Variants in FRMD6 observed in about 807,000 individuals in gnomAD.
FRMD6 encodes the protein FERM domain containing 6.
In FRMD6, 37 loss-of-function variants were observed where a neutral mutation model predicts 73.2. The ratio of observed to expected loss-of-function variants is 0.51; its 90% CI spans 0.39 to 0.66. FRMD6 has a LOEUF of 0.66. Among genes scored for constraint, FRMD6 ranks in the 30% least tolerant of loss-of-function variants. The pLI, the probability that FRMD6 is intolerant of heterozygous loss-of-function variation, is 0.00. For synonymous variants in FRMD6, 273 were observed against 282.2 expected (o/e 0.97, Z 0.33); for missense variants, 714 against 780.5 (o/e 0.91, Z 1.02).
chr14:51,602,225 C>A (rs1206093300), intron 2 of FRMD6, among the ~76,000 whole-genome samples: 2 of 152,048 alleles, frequency 1.3e-5, no homozygotes, highest in African/African-American at 4.8e-5. Context: ...GAGAGGGTGG[C>A]CAGCTTACTA....
At chr14:51,703,496 A>G (rs1241329245) in intron 5 of FRMD6, among the ~76,000 whole-genome samples, 1 of 152,030 alleles carries the variant, frequency 6.6e-6, no homozygotes. Context: ...AGGCTAAGAC[A>G]CTTTATTAGT....
At chr14:51,442,437 G>A in the FRMD6 span, among the ~76,000 whole-genome samples, 1 of 152,016 alleles carries the variant, frequency 6.6e-6, no homozygotes, top group Non-Finnish European at 1.5e-5. Context: ...TAATTGCCCA[G>A]TGATAGTGCT....
chr14:51,685,611 G>C (rs1431892271), intron 1 of FRMD6, among the ~76,000 whole-genome samples: 1 of 152,160 alleles, frequency 6.6e-6, no homozygotes, highest in African/African-American at 2.4e-5. Flanking sequence ...GTTTATTCCA[G>C]AATGATCTTA....
At chr14:51,546,430 A>C (rs1469828284) in intron 1 of FRMD6, among the ~76,000 whole-genome samples, 1 of 150,612 alleles carries the variant, frequency 6.6e-6, no homozygotes. Context: ...GTTCCTGTAA[A>C]ATTCCTGAAG....
At chr14:51,626,580 T>TA (rs1891125483) in intron 2 of FRMD6, among the ~76,000 whole-genome samples, 1 of 152,224 alleles carries the variant, frequency 6.6e-6, no homozygotes, top group African/African-American at 2.4e-5. Context: ...GTGCCTTCTA[T>TA]ATAGCAGGCT....
At chr14:51,419,615 T>G in the FRMD6 span, among the ~76,000 whole-genome samples, 1 of 152,208 alleles carries the variant, frequency 6.6e-6, no homozygotes, top group African/African-American at 2.4e-5. Flanking sequence ...AGCTTGACTT[T>G]TCCACTTGGC....
At chr14:51,606,303 A>C (rs1338711962) in intron 2 of FRMD6, among the ~76,000 whole-genome samples, 20 of 152,232 alleles carry the variant, frequency 1.3e-4, no homozygotes, top group Admixed American at 1.2e-3. Flanking sequence ...CCATACGTAC[A>C]ACAAGCACAC....
intron 9 of FRMD6, among the ~76,000 whole-genome samples, chr14:51,713,458 C>CAAA (rs5808631): frequency 2.7e-5 from 3 of 111,858 alleles, no homozygotes; most frequent in Admixed American, 9.2e-5. Context: ...AACTCCATCT[C>CAAA]AAAAAAAAAA....
intron 1 of FRMD6, among the ~76,000 whole-genome samples, chr14:51,551,302 C>A (rs1386893970): frequency 1.3e-5 from 2 of 152,098 alleles, no homozygotes; most frequent in Non-Finnish European, 2.9e-5. Flanking sequence ...TAAATTATTT[C>A]TTTAAAAATA....
chr14:51,412,009 G>A, the FRMD6 span, among the ~76,000 whole-genome samples: 14 of 152,138 alleles, frequency 9.2e-5, no homozygotes, highest in Non-Finnish European at 1.6e-4. Flanking sequence ...AATCTATCAG[G>A]ATCTAAAAAG....
intron 1 of FRMD6, among the ~76,000 whole-genome samples, chr14:51,504,114 C>T (rs1883795959): frequency 6.6e-6 from 1 of 152,082 alleles, no homozygotes; most frequent in Admixed American, 6.6e-5. Flanking sequence ...TTTTATTCTT[C>T]TTTATTAGTC....
chr14:51,494,180 C>T (rs1048997089), intron 1 of FRMD6, among the ~76,000 whole-genome samples: 5 of 152,140 alleles, frequency 3.3e-5, no homozygotes, highest in East Asian at 1.9e-4. Context: ...ATCCCAATAG[C>T]GCCAAGAGTC....
At chr14:51,467,968 G>A in the FRMD6 span, among the ~76,000 whole-genome samples, 11 of 152,044 alleles carry the variant, frequency 7.2e-5, no homozygotes, top group Non-Finnish European at 1.5e-4. Context: ...GTAGCGAGCC[G>A]AGATCACGCC....
intron 2 of FRMD6, among the ~76,000 whole-genome samples, chr14:51,591,479 T>C (rs974894824): frequency 6.6e-6 from 1 of 152,064 alleles, no homozygotes; most frequent in Non-Finnish European, 1.5e-5. Flanking sequence ...TTCTGATAAG[T>C]TTTTTACAAA....
Position 51,583,830 on chromosome 14 carries a change from T to C in FRMD6, c.-147+13420T>C, listed in dbSNP as rs565069778. On this transcript the variant is annotated intron_variant, in intron 2 of 14. Transcript: ENST00000356218. ...CTGGTGCAGAACCTTAATGATGGCC[T>C]AAGGTTTGAGCTGTGAAGAGGATGG... 3.3e-5 allele frequency among the ~76,000 whole-genome samples: 5 copies of C among 152,250 alleles called. No individual in the cohort carries two copies. The South Asian group carries it at 1.0e-3, about 32-fold the overall frequency.
At chr14:51,441,726 C>T in the FRMD6 span, among the ~76,000 whole-genome samples, 820 of 152,172 alleles carry the variant, frequency 5.4e-3, 5 homozygotes, top group African/African-American at 0.018. Flanking sequence ...CCTAAATTGA[C>T]GTTGGGATGA....
At chr14:51,537,330 A>T (rs551514167) in intron 1 of FRMD6, among the ~76,000 whole-genome samples, 6 of 152,152 alleles carry the variant, frequency 3.9e-5, no homozygotes, top group Admixed American at 3.9e-4. Flanking sequence ...TTCATGGTTC[A>T]ATAGCTCATT....
At chr14:51,554,068 G>A (rs1886986418) in intron 1 of FRMD6, among the ~76,000 whole-genome samples, 1 of 152,034 alleles carries the variant, frequency 6.6e-6, no homozygotes, top group Admixed American at 6.6e-5. Context: ...ACCCTGTAGA[G>A]CCAGAAAATA....
At chr14:51,417,166 T>C in the FRMD6 span, among the ~76,000 whole-genome samples, 2 of 152,328 alleles carry the variant, frequency 1.3e-5, no homozygotes, top group African/African-American at 2.4e-5. Flanking sequence ...AAGGTTAATA[T>C]GGTTATGTGT....
Sources: allele counts gnomAD v4.1 joint callset (sites outside exome capture counted in the v4.1 genomes callset), GRCh38; gene constraint gnomAD v4.1.1; transcripts MANE v1.5; gene names NCBI Gene and HGNC (gene_info 2026-07-23, HGNC 2026-07-21).